The following ARHGAP28 variants were observed in gnomAD, a reference collection of about 807,000 sequenced individuals.
ARHGAP28 encodes rho GTPase-activating protein 28.
In ARHGAP28, 56 loss-of-function variants were observed where a neutral mutation model predicts 90.7. That is an observed-to-expected ratio of 0.62 (90% confidence interval 0.50 to 0.77). The LOEUF is 0.77. Ranked by LOEUF, ARHGAP28 falls within the 30% of genes least tolerant of loss-of-function variation. The pLI, the probability that ARHGAP28 is intolerant of heterozygous loss-of-function variation, is 0.00. For missense variants in ARHGAP28, 869 were observed against 900.9 expected (o/e 0.96, Z 0.45); for synonymous variants, 308 against 323.3 (o/e 0.95, Z 0.51).
chr18:6,872,495 A>G (rs1478151711), intron 7 of ARHGAP28, among the ~76,000 whole-genome samples: 2 of 152,238 alleles, frequency 1.3e-5, no homozygotes, highest in African/African-American at 4.8e-5. Context: ...CCAGTTTAGG[A>G]AACTCCTATG....
At chr18:6,765,720 A>G (rs905922751) in intron 1 of ARHGAP28, among the ~76,000 whole-genome samples, 2 of 152,042 alleles carry the variant, frequency 1.3e-5, no homozygotes, top group Non-Finnish European at 2.9e-5. Flanking sequence ...TTGATTTTGT[A>G]TCTCTCTTCT....
chr18:6,875,413 G>A (rs1471172059), intron 9 of ARHGAP28, among the ~76,000 whole-genome samples: 1 of 152,126 alleles, frequency 6.6e-6, no homozygotes, highest in African/African-American at 2.4e-5. Context: ...AAGGAAAATA[G>A]CAGAGAAGCT....
intron 1 of ARHGAP28, among the ~76,000 whole-genome samples, chr18:6,743,658 A>C (rs1464349327): frequency 6.6e-6 from 1 of 152,258 alleles, no homozygotes; most frequent in Non-Finnish European, 1.5e-5. Context: ...AGCTTCATAC[A>C]TAAAACTGAG....
intron 1 of ARHGAP28, among the ~76,000 whole-genome samples, chr18:6,772,225 C>G (rs1441472559): frequency 6.6e-6 from 1 of 152,204 alleles, no homozygotes; most frequent in East Asian, 1.9e-4. Flanking sequence ...AATAGTCACA[C>G]TCCATGAATT....
chr18:6,890,012 A>C lies in ARHGAP28; in HGVS notation c.1661A>C (p.Glu554Ala). ...FFSRSKHSDY[E>A]ELLLANTAAH... ...AGTAGAAGCAAACACTCTGATTATG[A>C]AGAATTACTGTTAGCAAACACTGCG... The change falls in exon 13 of 18, where the codon GAA becomes GCA. Residue 554 changes from glutamate to alanine, a missense_variant. By Grantham distance (107) the Glu-to-Ala change is moderately radical (BLOSUM62 -1). Transcript: ENST00000383472. 6.2e-7 allele frequency: 1 copy of C among 1,614,212 alleles called. No homozygotes were observed. Among genetic ancestry groups the C allele is most frequent in the East Asian group, 2.2e-5 (1 of 44,884 alleles).
At chr18:6,848,384 AGG>A (rs2056882723) in intron 3 of ARHGAP28, among the ~76,000 whole-genome samples, 1 of 152,136 alleles carries the variant, frequency 6.6e-6, no homozygotes, top group Non-Finnish European at 1.5e-5. Context: ...TCAGGTTTAT[AGG>A]GTAATCACCA....
At chr18:6,880,791 T>C (rs2057171893) in intron 10 of ARHGAP28, among the ~76,000 whole-genome samples, 1 of 152,176 alleles carries the variant, frequency 6.6e-6, no homozygotes, top group South Asian at 2.1e-4. Flanking sequence ...TGACTTTTCT[T>C]ATAGCATGTG....
intron 1 of ARHGAP28, among the ~76,000 whole-genome samples, chr18:6,745,086 A>G (rs376660150): frequency 6.6e-6 from 1 of 152,300 alleles, no homozygotes; most frequent in Non-Finnish European, 1.5e-5. Flanking sequence ...TCCAAGAAAC[A>G]TGGGAGCATA....
chr18:6,912,082 T>A lies in ARHGAP28; in HGVS notation c.2118T>A (p.Asp706Glu). 6.2e-7 allele frequency: 1 copy of A among 1,606,190 alleles called. No homozygotes were observed. Among genetic ancestry groups the A allele is most frequent in the Non-Finnish European group, 8.5e-7 (1 of 1,175,220 alleles). ...GNIGEHCLDP[D>E]AYILDVYRIN... is the part of the protein sequence containing the mutation. ...TAGGAGAGCATTGCTTGGATCCAGA[T>A]GCTTATATATTGGATGTATATCGTA... is the stretch of plus-strand genomic sequence containing the variant. The change falls in exon 18 of 18, where the codon GAT (aspartate) becomes GAA (glutamate). Residue 706 changes from aspartate (D) to glutamate (E), a missense_variant. Transcript: ENST00000383472.
chr18:6,902,257 A>G (rs1394291199), intron 16 of ARHGAP28, among the ~76,000 whole-genome samples: 1 of 152,176 alleles, frequency 6.6e-6, no homozygotes. Flanking sequence ...GTTAATAATA[A>G]TGTATCAATA....
intron 1 of ARHGAP28, among the ~76,000 whole-genome samples, chr18:6,756,941 C>G (rs1303799410): frequency 6.6e-6 from 1 of 152,138 alleles, no homozygotes; most frequent in East Asian, 1.9e-4. Context: ...TTGGATGGTG[C>G]CCACCCACGT....
At chr18:6,879,651 C>T (rs975862709) in intron 10 of ARHGAP28, among the ~76,000 whole-genome samples, 3 of 152,240 alleles carry the variant, frequency 2.0e-5, no homozygotes, top group Admixed American at 1.3e-4. Context: ...ATTCCCTAAA[C>T]AGTCACGCCG....
chr18:6,748,839 G>A (rs1353005825), intron 1 of ARHGAP28, among the ~76,000 whole-genome samples: 1 of 152,120 alleles, frequency 6.6e-6, no homozygotes, highest in Non-Finnish European at 1.5e-5. Flanking sequence ...ACAGTTTGTG[G>A]CCCATTTCCT....
intron 1 of ARHGAP28, among the ~76,000 whole-genome samples, chr18:6,815,956 A>G: frequency 6.6e-6 from 1 of 151,844 alleles, no homozygotes; most frequent in South Asian, 2.1e-4. Flanking sequence ...CCTGCTGCAT[A>G]AGTAAAGATT....
chr18:6,874,545 C>T (rs1402161078), intron 9 of ARHGAP28: 3 of 152,168 alleles, frequency 2.0e-5, no homozygotes, highest in Admixed American at 2.0e-4. Flanking sequence ...TAGTCCTTAA[C>T]ACAAATTTTG....
At chr18:6,802,322 T>G (rs186476479) in intron 1 of ARHGAP28, among the ~76,000 whole-genome samples, 1 of 145,666 alleles carries the variant, frequency 6.9e-6, no homozygotes, top group East Asian at 2.0e-4. Flanking sequence ...ATCATATGGA[T>G]CATATGGTAG....
chr18:6,798,756 A>G (rs991175341), intron 1 of ARHGAP28, among the ~76,000 whole-genome samples: 3 of 152,212 alleles, frequency 2.0e-5, no homozygotes, highest in African/African-American at 7.2e-5. Flanking sequence ...TAGTGCATTA[A>G]CATCTCAGAA....
chr18:6,841,157 T>TCTCTCTCCTCTC (rs2056808776), intron 3 of ARHGAP28, among the ~76,000 whole-genome samples: 3 of 70,282 alleles, frequency 4.3e-5, no homozygotes, highest in African/African-American at 6.1e-5. Flanking sequence ...TCTCTCCTCT[T>TCTCTCTCCTCTC]TCTCTCTCTC....
chr18:6,779,753 C>T (rs975173122), intron 1 of ARHGAP28, among the ~76,000 whole-genome samples: 1 of 152,168 alleles, frequency 6.6e-6, no homozygotes, highest in African/African-American at 2.4e-5. Flanking sequence ...GGTAATGGTA[C>T]AAATCCATTT....
Sources: gnomAD v4.1 joint callset for allele counts (sites outside exome capture counted in the v4.1 genomes callset) on GRCh38, gnomAD v4.1.1 for gene constraint, MANE v1.5 for transcripts, NCBI Gene and HGNC (gene_info 2026-07-23, HGNC 2026-07-21) for gene names.